LITAF: variants seen among roughly 807,000 people sequenced by gnomAD.
LITAF encodes the protein lipopolysaccharide induced TNF factor.
Under a neutral mutation model 14.5 loss-of-function variants are expected in LITAF, and 9 were observed. The ratio of observed to expected loss-of-function variants is 0.62; its 90% CI spans 0.37 to 1.08. The LOEUF (loss-of-function observed/expected upper bound fraction) is 1.08, where lower values mean the gene tolerates loss of function less well. Among genes scored for constraint, LITAF ranks in the 50% least tolerant of loss-of-function variants. The probability of loss-of-function intolerance (pLI) is 0.01; values close to 1 mark genes in which losing one functional copy is unlikely to be tolerated. For missense variants in LITAF, 206 were observed against 213.4 expected, an observed-to-expected ratio of 0.97 and a Z score of 0.22; for synonymous variants, 98 against 88.2, an observed-to-expected ratio of 1.11 and a Z score of -0.62.
chr16:11,637,366 T>C (rs372648622), upstream of LITAF, among the ~76,000 whole-genome samples: 1 of 152,230 alleles, frequency 6.6e-6, no homozygotes, highest in Non-Finnish European at 1.5e-5. Flanking sequence ...TGGGCATTCA[T>C]TGGTGGCTCA....
upstream of LITAF, among the ~76,000 whole-genome samples, chr16:11,603,325 A>G (rs143413134): frequency 6.6e-6 from 1 of 152,232 alleles, no homozygotes; most frequent in Non-Finnish European, 1.5e-5. Flanking sequence ...CATCCCCAGG[A>G]TGGGGGCGGT....
chr16:11,549,873 T>A lies in LITAF; in HGVS notation c.378-128A>T. The A allele has an allele frequency of 6.7e-6, 5 of 748,988 alleles. No homozygotes were observed. The South Asian group carries it at 7.4e-5, about 11-fold the overall frequency. 46.4% of individuals were successfully genotyped at this position (748,988 alleles called of 1,614,324 possible). ...GCCAGTATAATTAGGAATTTTGAGA[T>A]GGGATCATCTTGGATTATCCAGGCG... On this transcript the variant is annotated intron_variant, in intron 3 of 3. Transcript: ENST00000622633. The surrounding 1 kb of genome is among the most constrained non-coding windows in gnomAD (Gnocchi z 4.6).
chr16:11,567,448 AAAC>A (rs2064470492), intron 1 of LITAF, among the ~76,000 whole-genome samples: 1 of 151,402 alleles, frequency 6.6e-6, no homozygotes, highest in South Asian at 2.1e-4. Flanking sequence ...AAACAAAACA[AAAC>A]AACAACAAAA....
intron 2 of LITAF, among the ~76,000 whole-genome samples, chr16:11,633,914 G>A (rs2065128689): frequency 6.6e-6 from 1 of 152,218 alleles, no homozygotes; most frequent in African/African-American, 2.4e-5. Flanking sequence ...GGGTTGCTGT[G>A]AGGATTAACT....
At chr16:11,625,265 C>CTTT (rs112259926) in intron 3 of LITAF, among the ~76,000 whole-genome samples, 2 of 139,266 alleles carry the variant, frequency 1.4e-5, no homozygotes, top group African/African-American at 2.7e-5. Context: ...TCCCAAAAAC[C>CTTT]TTTTTTTTTT....
At chr16:11,607,383 G>A (rs2064960226) in intron 3 of LITAF, among the ~76,000 whole-genome samples, 1 of 152,200 alleles carries the variant, frequency 6.6e-6, no homozygotes, top group African/African-American at 2.4e-5. Context: ...TCACACCCAA[G>A]AAGGCTGGAC....
intron 3 of LITAF, among the ~76,000 whole-genome samples, chr16:11,619,934 G>A (rs1421252280): frequency 6.6e-6 from 1 of 152,008 alleles, no homozygotes. Flanking sequence ...TTGGGAGGCC[G>A]AGAGCAGTGG....
At chr16:11,639,915 C>G (rs928235751), upstream of LITAF, among the ~76,000 whole-genome samples, 1 of 152,178 alleles carries the variant, frequency 6.6e-6, no homozygotes, top group Non-Finnish European at 1.5e-5. Context: ...GCTGGGAGTA[C>G]AGGCGAGAGC....
chr16:11,614,220 G>C (rs1288395687), intron 3 of LITAF, among the ~76,000 whole-genome samples: 2 of 152,074 alleles, frequency 1.3e-5, no homozygotes, highest in Non-Finnish European at 2.9e-5. Flanking sequence ...CTGAAATCAA[G>C]ATGTCAGCGG....
Position 11,630,616 on chromosome 16 carries a change from T to C in LITAF, c.85+2917A>G, listed in dbSNP as rs187246767. Among the ~76,000 whole-genome samples, 368 of 149,244 alleles carry C rather than the reference T, an allele frequency of 2.5e-3. 2 individuals carry two copies. Among genetic ancestry groups the C allele is most frequent in the African/African-American group, 8.5e-3 (343 of 40,170 alleles). On this transcript the variant is annotated intron_variant, in intron 3 of 3. Transcript: ENST00000574848. The stretch of plus-strand genomic sequence containing the variant: ...GGTGGTGAGACAGGGTCTCATTCTG[T>C]CACCTAGGCTGGAGTGCAGTGGTGA...
intron 1 of LITAF, among the ~76,000 whole-genome samples, chr16:11,575,838 C>G (rs750872150): frequency 1.1e-4 from 16 of 151,980 alleles, no homozygotes; most frequent in African/African-American, 1.4e-4. Context: ...AACATTCCCC[C>G]GAAAAAAGTA....
At chr16:11,599,130 G>A (rs755178718), upstream of LITAF, among the ~76,000 whole-genome samples, 2 of 143,962 alleles carry the variant, frequency 1.4e-5, no homozygotes, top group African/African-American at 2.6e-5. Context: ...TTTTATGGGG[G>A]GGTGGGGGGA....
At position 11,558,580 on chromosome 16, in the gene LITAF, C is replaced by T. The variant is rs888908420; in HGVS notation, c.-5-1845G>A. 6.6e-6 allele frequency among the ~76,000 whole-genome samples: 1 copy of T among 151,990 alleles called. No individual in the cohort carries two copies. The highest frequency in any genetic ancestry group is 1.5e-5 in the Non-Finnish European group (1 of 67,978). ...AAAAGTAGCCAGGTGTAGTGGCACA[C>T]ACCTGTAATCCCAGCTACTTAGGAG... is the stretch of plus-strand genomic sequence containing the variant. On this transcript the variant is annotated intron_variant, in intron 1 of 3. Transcript: ENST00000622633. The surrounding 1 kb of genome is among the most constrained non-coding windows in gnomAD (Gnocchi z 4.1).
chr16:11,569,131 C>G (rs2064503088), intron 1 of LITAF, among the ~76,000 whole-genome samples: 1 of 152,204 alleles, frequency 6.6e-6, no homozygotes, highest in Non-Finnish European at 1.5e-5. Flanking sequence ...AGCAGCTGAA[C>G]AGGACGCGGG....
chr16:11,551,525 G>A (rs2064181492), intron 3 of LITAF, among the ~76,000 whole-genome samples: 1 of 152,174 alleles, frequency 6.6e-6, no homozygotes, highest in African/African-American at 2.4e-5. Context: ...AAGCCAGACT[G>A]GCAGAGGCCA....
chr16:11,567,945 C>T (rs998243296), intron 1 of LITAF, among the ~76,000 whole-genome samples: 4 of 152,152 alleles, frequency 2.6e-5, no homozygotes, highest in African/African-American at 9.7e-5. Flanking sequence ...GATCATGCCA[C>T]TGTGCTCCAG....
At chr16:11,567,516 A>C (rs2064471948) in intron 1 of LITAF, among the ~76,000 whole-genome samples, 1 of 152,154 alleles carries the variant, frequency 6.6e-6, no homozygotes, top group Admixed American at 6.5e-5. Flanking sequence ...ACATGGACAA[A>C]ATGAAGTCAG....
chr16:11,565,203 C>T (rs1339797435), intron 1 of LITAF, among the ~76,000 whole-genome samples: 5 of 151,718 alleles, frequency 3.3e-5, no homozygotes, highest in African/African-American at 1.2e-4. Flanking sequence ...CTGCCTCAGC[C>T]TCCCTAATAG....
rs372368909 is a variant in LITAF at position 11,549,816 on chromosome 16, T to C, written c.378-71A>G. ...GGGTGAACACTGGCTGCCAAAACCATGTTCATGTCCTTCTTTGTAAAAAGG... is the reference window on the plus strand; with the variant it reads ...GGGTGAACACTGGCTGCCAAAACCACGTTCATGTCCTTCTTTGTAAAAAGG... On this transcript the variant is annotated intron_variant, in intron 3 of 3. Coordinates refer to ENST00000622633, the MANE Select transcript of LITAF (RefSeq NM_001136472.2). This position sits in a 1 kb window ranked among gnomAD's most constrained non-coding sequence, Gnocchi z 4.6. 2.6e-6 allele frequency: 3 copies of C among 1,171,690 alleles called. No individual in the cohort carries two copies. The highest frequency in any genetic ancestry group is 3.8e-6 in the Non-Finnish European group (3 of 796,906). The allele number at this position is 1,171,690 out of a possible 1,614,324, so 72.6% of individuals were successfully genotyped here. A position where few individuals can be genotyped will look rare whatever the true frequency, so the allele number is the denominator to read the frequency against.
Sources: allele counts gnomAD v4.1 joint callset (sites outside exome capture counted in the v4.1 genomes callset), GRCh38; gene constraint gnomAD v4.1.1; non-coding constraint Gnocchi (gnomAD v3.1); transcripts MANE v1.5; gene names NCBI Gene and HGNC (gene_info 2026-07-23, HGNC 2026-07-21).